LAMA3: variants seen among roughly 807,000 people sequenced by gnomAD.
LAMA3 encodes the protein laminin subunit alpha-3.
In LAMA3, 281 loss-of-function variants were observed where a neutral mutation model predicts 402.0. The ratio of observed to expected loss-of-function variants is 0.70; its 90% CI spans 0.63 to 0.77. The LOEUF (loss-of-function observed/expected upper bound fraction) is 0.77. Among genes scored for constraint, LAMA3 ranks in the 30% least tolerant of loss-of-function variants. The probability of loss-of-function intolerance (pLI) is 0.00; values close to 1 mark genes in which losing one functional copy is unlikely to be tolerated. For missense variants in LAMA3, 3,840 were observed against 4,215.5 expected, an observed-to-expected ratio of 0.91 and a Z score of 2.47; for synonymous variants, 1,431 against 1,558.4, an observed-to-expected ratio of 0.92 and a Z score of 1.93.
At chr18:23,943,360 A>G (rs1007599660) in intron 68 of LAMA3, among the ~76,000 whole-genome samples, 22 of 152,246 alleles carry the variant, frequency 1.4e-4, no homozygotes, top group African/African-American at 5.1e-4. Context: ...AGAGTTCTCG[A>G]GATTGATTGT....
chr18:23,765,424 C>T (rs1015754361), intron 8 of LAMA3, among the ~76,000 whole-genome samples: 5 of 152,130 alleles, frequency 3.3e-5, no homozygotes, highest in African/African-American at 1.2e-4. Context: ...ATTTTAGTTA[C>T]CACTTAAGAG....
In LAMA3 at chr18:23,839,756, A is replaced by G; in HGVS notation, c.3192-29A>G. ...TCTGTAGCTTTGGGTTCTTTTAAAA[A>G]TCAGATTTTTAAATATTCTATTTTT... On this transcript the variant is annotated intron_variant, in intron 26 of 74. Coordinates refer to ENST00000313654, the MANE Select transcript of LAMA3 (RefSeq NM_198129.4). This position sits in a 1 kb window ranked among gnomAD's most constrained non-coding sequence, Gnocchi z 4.5. 6.2e-7 allele frequency: 1 copy of G among 1,613,644 alleles called. No homozygotes were observed. Among genetic ancestry groups the G allele is most frequent in the Non-Finnish European group, 8.5e-7 (1 of 1,179,546 alleles).
rs45619834 is a variant in LAMA3 at position 23,921,365 on chromosome 18, T to C, written c.8044-87T>C. The stretch of plus-strand genomic sequence containing the variant: ...GTATATAAATGAATCTGGGGGAAGA[T>C]AAATAAAAACATGATAGTTCTGAAC... On this transcript the variant is annotated intron_variant, in intron 61 of 74. Transcript: ENST00000313654. 140,242 of 1,413,566 alleles carry C rather than the reference T, an allele frequency of 0.099. 8,026 individuals carry two copies. Among genetic ancestry groups the C allele is most frequent in the Non-Finnish European group, 0.11 (116,867 of 1,040,586 alleles). The allele number at this position is 1,413,566 out of a possible 1,614,324, so 87.6% of individuals were successfully genotyped here.
intron 19 of LAMA3, 81 bp from the exon 20 acceptor site, chr18:23,822,171 G>C: frequency 6.7e-7 from 1 of 1,493,066 alleles, no homozygotes; most frequent in South Asian, 1.1e-5. Context: ...AGTGACACTT[G>C]AATAGAATAA....
intron 1 of LAMA3, 95 bp from the exon 2 acceptor site, chr18:23,713,825 G>T: frequency 9.2e-7 from 1 of 1,090,860 alleles, no homozygotes; most frequent in Non-Finnish European, 1.3e-6. Flanking sequence ...GTCTTTGTTT[G>T]GTTCCCTGTA....
chr18:23,848,727 A>T (rs1188122070), intron 32 of LAMA3, among the ~76,000 whole-genome samples: 3 of 152,204 alleles, frequency 2.0e-5, no homozygotes, highest in African/African-American at 7.2e-5. Context: ...CCATTAACGA[A>T]TGCCACAAAC....
intron 38 of LAMA3, among the ~76,000 whole-genome samples, chr18:23,873,822 AG>A (rs1416430345): frequency 6.6e-6 from 1 of 152,246 alleles, no homozygotes; most frequent in African/African-American, 2.4e-5. Flanking sequence ...GTATTACAAA[AG>A]TTTACTGGAA....
At chr18:23,838,713 T>G in intron 25 of LAMA3, 68 bp from the exon 26 acceptor site, 1 of 834,006 alleles carries the variant, frequency 1.2e-6, no homozygotes, top group Non-Finnish European at 2.1e-6. Flanking sequence ...TAAAAGGGTG[T>G]TTTTGGCCAT....
chr18:23,757,096 C>G (rs1245290868), intron 6 of LAMA3, among the ~76,000 whole-genome samples: 1 of 151,976 alleles, frequency 6.6e-6, no homozygotes, highest in Non-Finnish European at 1.5e-5. Context: ...CGTGCTTCCC[C>G]GCAAACCCAG....
At chr18:23,763,288 C>G in intron 7 of LAMA3, 117 bp from the exon 8 acceptor site, 1 of 745,628 alleles carries the variant, frequency 1.3e-6, no homozygotes, top group Non-Finnish European at 2.4e-6. Flanking sequence ...TAAGAGTGTC[C>G]TGGGTGTTCC....
At chr18:23,861,094 T>C (rs2064208380) in intron 34 of LAMA3, among the ~76,000 whole-genome samples, 1 of 152,194 alleles carries the variant, frequency 6.6e-6, no homozygotes, top group South Asian at 2.1e-4. Context: ...AAAAAATACT[T>C]TGTAAATCTG....
intron 1 of LAMA3, among the ~76,000 whole-genome samples, chr18:23,706,505 A>T (rs2060892008): frequency 6.6e-6 from 1 of 152,196 alleles, no homozygotes; most frequent in Non-Finnish European, 1.5e-5. Flanking sequence ...GTATAAAATA[A>T]TATTGCATTG....
At chr18:23,837,568 C>CATATATATATATATATATATAT (rs983234157) in intron 25 of LAMA3, among the ~76,000 whole-genome samples, 2 of 21,310 alleles carry the variant, frequency 9.4e-5, no homozygotes, top group South Asian at 1.2e-3. Context: ...TTCAGTTAAT[C>CATATATATATATATATATATAT]AGATATATAT....
chr18:23,745,256 A>G (rs370120018), intron 2 of LAMA3, among the ~76,000 whole-genome samples: 8 of 152,192 alleles, frequency 5.3e-5, no homozygotes, highest in South Asian at 4.1e-4. Flanking sequence ...TGAAAAGCAT[A>G]TGAGTATTCA....
intron 32 of LAMA3, among the ~76,000 whole-genome samples, chr18:23,854,722 C>T (rs1211736010): frequency 1.3e-5 from 2 of 151,578 alleles, no homozygotes; most frequent in African/African-American, 4.8e-5. Flanking sequence ...TGGTGGCTTA[C>T]GCCTGTAATC....
At chr18:23,873,979 G>C (rs1376445082) in intron 38 of LAMA3, among the ~76,000 whole-genome samples, 1 of 152,120 alleles carries the variant, frequency 6.6e-6, no homozygotes, top group South Asian at 2.1e-4. Flanking sequence ...ATGTGGTTTT[G>C]CTTGCTTTAT....
intron 17 of LAMA3, among the ~76,000 whole-genome samples, chr18:23,815,941 G>A (rs541715351): frequency 6.6e-6 from 1 of 152,246 alleles, no homozygotes; most frequent in African/African-American, 2.4e-5. Context: ...TAATGAAATT[G>A]CAGGACAGGT....
chr18:23,829,195 C>T (rs1053980750), intron 23 of LAMA3, among the ~76,000 whole-genome samples: 3 of 152,178 alleles, frequency 2.0e-5, no homozygotes, highest in Non-Finnish European at 2.9e-5. Flanking sequence ...AAAACAGTTA[C>T]AAAACCTATT....
intron 64 of LAMA3, among the ~76,000 whole-genome samples, chr18:23,930,663 G>A (rs993090614): frequency 1.3e-5 from 2 of 152,046 alleles, no homozygotes; most frequent in South Asian, 2.1e-4. Context: ...TGGGAGGATC[G>A]CTTGAGCCTG....
Sources: gnomAD v4.1 joint callset for allele counts (sites outside exome capture counted in the v4.1 genomes callset) on GRCh38, gnomAD v4.1.1 for gene constraint, Gnocchi (gnomAD v3.1) non-coding constraint, MANE v1.5 for transcripts, NCBI Gene and HGNC (gene_info 2026-07-23, HGNC 2026-07-21) for gene names.